Variants in HERC1 observed in about 807,000 individuals in gnomAD.
HERC1 encodes HECT and RLD domain containing E3 ubiquitin protein ligase family member 1, also known as probable E3 ubiquitin-protein ligase HERC1.
In HERC1, 160 loss-of-function variants were observed where a neutral mutation model predicts 554.3. The observed-to-expected ratio is 0.29, with a 90% CI of 0.25 to 0.33. The LOEUF (loss-of-function observed/expected upper bound fraction) is 0.33. Among genes scored for constraint, HERC1 ranks in the 10% least tolerant of loss-of-function variants. HERC1 has a pLI of 1.00. For synonymous variants in HERC1, 2,175 were observed against 2,131.7 expected (o/e 1.02, Z -0.56); for missense variants, 4,919 against 5,918.5 (o/e 0.83, Z 5.54).
intron 2 of HERC1, among the ~76,000 whole-genome samples, chr15:63,773,199 G>GTGGGAGGCCAAGGTGGGCAGATCACC (rs1365833940): frequency 1.3e-5 from 2 of 152,078 alleles, no homozygotes; most frequent in African/African-American, 4.8e-5. Flanking sequence ...TCCCAGCAGT[G>GTGGGAGGCCAAGGTGGGCAGATCACC]TGGGAGGCCA....
rs1206626995 is a variant in HERC1, at chr15:63,674,809, T to A, written c.7379A>T (p.Glu2460Val). The A allele has an allele frequency of 6.2e-7, 1 of 1,613,978 alleles. No homozygotes were observed. Among genetic ancestry groups the A allele is most frequent in the Non-Finnish European group, 8.5e-7 (1 of 1,179,860 alleles). The change falls in exon 38 of 78, where the codon GAA becomes GTA. Residue 2460 changes from glutamate (E) to valine (V), a missense_variant. By Grantham distance (121) the Glu-to-Val change is moderately radical. Around this residue, in one of 11 missense-constraint regions of HERC1, gnomAD observed 1,963 missense variants for 2,228.6 expected, o/e 0.88. Transcript: ENST00000443617. The part of the protein sequence containing the change: ...KSQSTTSSKS[E>V]NEIASFSLDP... Reference sequence around the variant, plus strand: ...TAAAGAAAATGAAGCGATTTCATTTTCTGATTTGGAGCTTGTGGTACTCTG... The same window carrying A: ...TAAAGAAAATGAAGCGATTTCATTTACTGATTTGGAGCTTGTGGTACTCTG...
At chr15:63,701,230 A>C (rs2153077376) in intron 25 of HERC1, among the ~76,000 whole-genome samples, 1 of 152,316 alleles carries the variant, frequency 6.6e-6, no homozygotes, top group Non-Finnish European at 1.5e-5. Flanking sequence ...TTGTCACATA[A>C]TGACATTAAT....
chr15:63,813,311 GACACACACACACAC>G (rs10534978), intron 1 of HERC1, among the ~76,000 whole-genome samples: 4 of 139,604 alleles, frequency 2.9e-5, no homozygotes, highest in Admixed American at 2.1e-4. Context: ...ATCAGAGATG[GACACACACACACAC>G]ACACACACAC....
At position 63,718,551 on chromosome 15, in the gene HERC1, A is replaced by T; in HGVS notation, c.3978+23T>A. The T allele has an allele frequency of 6.5e-7, 1 of 1,531,236 alleles. No individual in the cohort carries two copies. Among genetic ancestry groups the T allele is most frequent in the Non-Finnish European group, 8.8e-7 (1 of 1,133,210 alleles). The allele number at this position is 1,531,236 out of a possible 1,614,324, so 94.9% of individuals were successfully genotyped here. ...CTCACAGCTTGCAGAAAAACATAGA[A>T]ATTAATTGATTTCAAACTTTACCCA... On this transcript the variant is annotated intron_variant, in intron 21 of 77. Transcript: ENST00000443617. This position sits in a 1 kb window ranked among gnomAD's most constrained non-coding sequence, Gnocchi z 4.2.
chr15:63,776,510 T>G (rs556288224), intron 1 of HERC1, among the ~76,000 whole-genome samples: 14 of 152,192 alleles, frequency 9.2e-5, no homozygotes, highest in Non-Finnish European at 1.6e-4. Context: ...TTCTAAAGAT[T>G]TATCCAAAAG....
chr15:63,801,222 C>G (rs2076975995), intron 1 of HERC1, among the ~76,000 whole-genome samples: 1 of 152,140 alleles, frequency 6.6e-6, no homozygotes, highest in African/African-American at 2.4e-5. Context: ...TTCCCGTGTT[C>G]TGTGAGCCAT....
rs74639552 is a variant in HERC1 at position 63,722,697 on chromosome 15, A to G, written c.3742+485T>C. 1.8e-4 allele frequency among the ~76,000 whole-genome samples: 27 copies of G among 152,328 alleles called. No individual in the cohort carries two copies. In the East Asian group the frequency reaches 5.0e-3, roughly 28 times the overall value. ...TACTTAATACTGGCCCCAAAATGCA[A>G]GAGTAGTGATTCAGTTAGCATATTA... On this transcript the variant is annotated intron_variant, in intron 19 of 77. Coordinates refer to ENST00000443617, the MANE Select transcript of HERC1 (RefSeq NM_003922.4).
intron 54 of HERC1, 119 bp from the exon 55 acceptor site, chr15:63,648,318 T>G (rs1027868368): frequency 9.8e-7 from 1 of 1,025,590 alleles, no homozygotes; most frequent in African/African-American, 1.6e-5. Context: ...AATTTCCAAA[T>G]AGCTCTTTAA....
intron 1 of HERC1, among the ~76,000 whole-genome samples, chr15:63,790,007 G>A (rs2076589272): frequency 6.6e-6 from 1 of 152,050 alleles, no homozygotes. Flanking sequence ...TGTCAGAACA[G>A]CTAGGTTTGA....
At chr15:63,831,280 T>G (rs2078144589) in intron 1 of HERC1, among the ~76,000 whole-genome samples, 1 of 152,098 alleles carries the variant, frequency 6.6e-6, no homozygotes, top group Non-Finnish European at 1.5e-5. Flanking sequence ...CAAATTTTTG[T>G]ATTTACCATA....
intron 50 of HERC1, among the ~76,000 whole-genome samples, chr15:63,655,430 T>C (rs963998895): frequency 1.3e-5 from 2 of 152,180 alleles, no homozygotes; most frequent in Non-Finnish European, 2.9e-5. Flanking sequence ...TACTGATAAG[T>C]AGTCCCTTCA....
At chr15:63,744,164 G>GTGTGTGTGTGTGTCTCTCTCTC in intron 12 of HERC1, among the ~76,000 whole-genome samples, 1 of 46,314 alleles carries the variant, frequency 2.2e-5, no homozygotes, top group African/African-American at 6.7e-5. Context: ...GTGTGTGTGT[G>GTGTGTGTGTGTGTCTCTCTCTC]TCTCTCTCTC....
chr15:63,636,216 A>G (rs2152821728), intron 64 of HERC1, 74 bp from the exon 65 acceptor site: 2 of 1,307,352 alleles, frequency 1.5e-6, no homozygotes, highest in East Asian at 4.7e-5. Flanking sequence ...CTGCTACTGA[A>G]TACCCTCAAT....
In HERC1 at chr15:63,645,085, A is replaced by ACTCT; in HGVS notation, c.11087_11090dup (p.Ser3697ArgfsTer21). 1 of 1,613,634 alleles carries ACTCT rather than the reference A, an allele frequency of 6.2e-7. No individual in the cohort carries two copies. The highest frequency in any genetic ancestry group is 8.5e-7 in the Non-Finnish European group (1 of 1,179,632). The stretch of plus-strand genomic sequence containing the variant: ...GAATGCGCCAAACACATACTAAGCC[A>ACTCT]CTCTGACAGCCACTTAAAAAAATTG... On this transcript the variant is annotated frameshift_variant, in exon 57 of 78. Transcript: ENST00000443617. LOFTEE classifies it high-confidence loss of function.
intron 69 of HERC1, 41 bp from the exon 70 acceptor site, chr15:63,628,856 G>C: frequency 6.3e-7 from 1 of 1,581,736 alleles, no homozygotes; most frequent in South Asian, 1.1e-5. Flanking sequence ...CAATTAGAAA[G>C]AGGAAGAGAG....
chr15:63,732,016 T>G (rs2074317771), intron 14 of HERC1, among the ~76,000 whole-genome samples: 1 of 152,136 alleles, frequency 6.6e-6, no homozygotes, highest in Non-Finnish European at 1.5e-5. Flanking sequence ...GGTGGTGTTG[T>G]TTTGAGATGG....
rs1187027521 is a variant in HERC1, at chr15:63,677,942, G to A, written c.6973C>T (p.His2325Tyr). Residue 2325 changes from histidine to tyrosine, a missense_variant, in exon 37 of 78, where the codon CAC (histidine) becomes TAC (tyrosine). His to Tyr is a moderately conservative substitution (Grantham distance 83, BLOSUM62 2). Around this residue, in one of 11 missense-constraint regions of HERC1, gnomAD observed 1,963 missense variants for 2,228.6 expected, o/e 0.88. Transcript: ENST00000443617. The surrounding 1 kb of genome is among the most constrained non-coding windows in gnomAD (Gnocchi z 4.4). ...AGLRVGGRCVHKQTGRHATLL... is the reference protein window; with the variant it reads ...AGLRVGGRCVYKQTGRHATLL... ...GTGGCATGGCGCCCAGTTTGCTTGT[G>A]AACACACCGACCTCCAACTCTAAGA... 6.2e-7 allele frequency: 1 copy of A among 1,613,976 alleles called. No homozygotes were observed. The highest frequency in any genetic ancestry group is 8.5e-7 in the Non-Finnish European group (1 of 1,179,894).
chr15:63,700,577 A>T (rs2072661358), intron 25 of HERC1, among the ~76,000 whole-genome samples: 1 of 152,106 alleles, frequency 6.6e-6, no homozygotes, highest in African/African-American at 2.4e-5. Flanking sequence ...GTATCCTAGT[A>T]AAATAATGTA....
At chr15:63,625,421 G>A (rs1046576575) in intron 71 of HERC1, among the ~76,000 whole-genome samples, 8 of 152,226 alleles carry the variant, frequency 5.3e-5, no homozygotes, top group African/African-American at 1.4e-4. Flanking sequence ...GGCTGGGAGC[G>A]GTGGCTCACA....
Sources: allele counts gnomAD v4.1 joint callset (sites outside exome capture counted in the v4.1 genomes callset), GRCh38; gene constraint gnomAD v4.1.1; regional missense constraint gnomAD v4.1.1; non-coding constraint Gnocchi (gnomAD v3.1); transcripts MANE v1.5; gene names NCBI Gene and HGNC (gene_info 2026-07-23, HGNC 2026-07-21).